LTB4R: variants seen among roughly 807,000 people sequenced by gnomAD.
LTB4R encodes the protein leukotriene B4 receptor 1.
For missense variants in LTB4R, 470 were observed against 485.6 expected (o/e 0.97, Z 0.30); for synonymous variants, 250 against 230.7 (o/e 1.08, Z -0.76).
Position 24,315,659 on chromosome 14 carries a change from C to T in LTB4R, c.8C>T (p.Thr3Ile), listed in dbSNP as rs776708653. The T allele has an allele frequency of 1.1e-5, 17 of 1,613,432 alleles. No homozygotes were observed. In the Admixed American group the frequency reaches 2.8e-4, roughly 27 times the overall value. MN[T>I]TSSAAPPSLG... ...CAGGTCCTCCCGACGGCCATGAACA[C>T]TACATCTTCTGCAGCACCCCCCTCA... Residue 3 changes from threonine to isoleucine, a missense_variant, in exon 2 of 2, where the codon ACT becomes ATT. Transcript: ENST00000345363.
Position 24,316,653 on chromosome 14 carries a change from C to T in LTB4R, c.1002C>T (p.Pro334=). 1 of 1,539,650 alleles carries T rather than the reference C, an allele frequency of 6.5e-7. No individual in the cohort carries two copies. ...GGAGCGGCCCCGCCGCTCTGGAGCC[C>T]GGCCCTTCCGAGAGCCTCACTGCCT... The part of the protein sequence containing the change: ...TARSGPAALE[P]GPSESLTASS... Residue 334 remains proline, a synonymous_variant, in exon 2 of 2, where the codon CCC becomes CCT. Transcript: ENST00000345363.
In LTB4R at chr14:24,316,624, G is replaced by C. The variant is rs1025111534; in HGVS notation, c.973G>C (p.Ala325Pro). The C allele has an allele frequency of 2.2e-5, 33 of 1,507,948 alleles. No homozygotes were observed. Among genetic ancestry groups the C allele is most frequent in the African/African-American group, 2.9e-5 (2 of 68,858 alleles). 93.4% of individuals were successfully genotyped at this position (1,507,948 alleles called of 1,614,324 possible). Residue 325 changes from alanine to proline, a missense_variant, in exon 2 of 2, where the codon GCT becomes CCT. Ala to Pro is a conservative substitution (Grantham distance 27, BLOSUM62 -1). Transcript: ENST00000345363. ...TRRGGSLGQT[A>P]RSGPAALEPG... is the part of the protein sequence containing the mutation. ...CCGCGGGGGCAGCCTGGGCCAGACCGCTAGGAGCGGCCCCGCCGCTCTGGA... is the reference window on the plus strand; with the variant it reads ...CCGCGGGGGCAGCCTGGGCCAGACCCCTAGGAGCGGCCCCGCCGCTCTGGA...
intron 1 of LTB4R, chr14:24,314,180 C>T (rs1426057386): frequency 7.9e-5 from 12 of 152,228 alleles, no homozygotes; most frequent in Non-Finnish European, 1.0e-4. Flanking sequence ...AGGGTAACCA[C>T]ATGGGCAAGC....
rs567553911 is a variant in LTB4R, at chr14:24,316,268, G to T, written c.617G>T (p.Arg206Leu). Residue 206 changes from arginine (R) to leucine (L), a missense_variant, in exon 2 of 2, where the codon CGT becomes CTT. By Grantham distance (102) the Arg-to-Leu change is moderately radical. Coordinates refer to ENST00000345363, the MANE Select transcript of LTB4R (RefSeq NM_001143919.3). ...AVVASYSDIG[R>L]RLQARRFRRS... is the part of the protein sequence containing the mutation. Reference sequence around the variant, plus strand: ...GTGGCCAGCTACTCGGACATAGGGCGTCGGCTACAGGCCCGGCGCTTCCGC... The same window carrying T: ...GTGGCCAGCTACTCGGACATAGGGCTTCGGCTACAGGCCCGGCGCTTCCGC... 3 of 1,611,774 alleles carry T rather than the reference G, an allele frequency of 1.9e-6. No homozygotes were observed. The South Asian group carries it at 3.3e-5, about 18-fold the overall frequency.
chr14:24,315,374 G>A (rs2041758742), intron 1 of LTB4R, among the ~76,000 whole-genome samples: 1 of 152,152 alleles, frequency 6.6e-6, no homozygotes. Context: ...TGGAAATGCT[G>A]CTGCTGCTGT....
chr14:24,315,998 C>T lies in LTB4R; in HGVS notation c.347C>T (p.Ser116Leu). The T allele has an allele frequency of 1.2e-6, 2 of 1,613,966 alleles. No individual in the cohort carries two copies. Among genetic ancestry groups the T allele is most frequent in the Non-Finnish European group, 1.7e-6 (2 of 1,180,026 alleles). ...ATCACGGCCATGAGTCTAGACCGCT[C>T]ACTGGCGGTGGCCCGCCCCTTTGTG... is the stretch of plus-strand genomic sequence containing the variant. The part of the protein sequence containing the change: ...LLITAMSLDR[S>L]LAVARPFVSQ... Residue 116 changes from serine to leucine, a missense_variant, in exon 2 of 2, where the codon TCA becomes TTA. By Grantham distance (145) the Ser-to-Leu change is moderately radical. Coordinates refer to ENST00000345363, the MANE Select transcript of LTB4R (RefSeq NM_001143919.3).
In LTB4R at chr14:24,311,739, T is replaced by C; in HGVS notation, c.-81T>C. ...GAAGGACGGTCCGGAATGGGACCTT[T>C]GACAGCAGACCCTACAACCTGCTGC... is the stretch of plus-strand genomic sequence containing the variant. On this transcript the variant is annotated 5_prime_UTR_variant, in exon 1 of 2. The change abolishes the stop of an existing upstream ORF in the 5' untranslated region. Coordinates refer to ENST00000345363, the MANE Select transcript of LTB4R (RefSeq NM_001143919.3). 1 of 1,573,522 alleles carries C rather than the reference T, an allele frequency of 6.4e-7. No individual in the cohort carries two copies. Among genetic ancestry groups the C allele is most frequent in the Non-Finnish European group, 8.6e-7 (1 of 1,157,630 alleles).
In LTB4R at chr14:24,316,747, A is replaced by C. The variant is rs1269330172; in HGVS notation, c.*37A>C. ...GGAGGCGCACTTTCCTCCTGGCAGA[A>C]TGCTAGCTCTGAGCCAGTTCAGTAC... On this transcript the variant is annotated 3_prime_UTR_variant, in exon 2 of 2. Transcript: ENST00000345363. 6.8e-7 allele frequency: 1 copy of C among 1,464,950 alleles called. No individual in the cohort carries two copies. The highest frequency in any genetic ancestry group is 9.1e-7 in the Non-Finnish European group (1 of 1,102,198). The allele number at this position is 1,464,950 out of a possible 1,614,324, so 90.7% of individuals were successfully genotyped here. A position where few individuals can be genotyped will look rare whatever the true frequency, so the allele number is the denominator to read the frequency against.
At position 24,316,299 on chromosome 14, in the gene LTB4R, C is replaced by T. The variant is rs754794828; in HGVS notation, c.648C>T (p.Ser216=). 23 of 1,603,146 alleles carry T rather than the reference C, an allele frequency of 1.4e-5. No individual in the cohort carries two copies. The East Asian group carries it at 3.6e-4, about 25-fold the overall frequency. The change falls in exon 2 of 2, where the codon AGC becomes AGT. Residue 216 remains serine, a synonymous_variant. Transcript: ENST00000345363. The part of the protein sequence containing the change: ...RRLQARRFRR[S]RRTGRLVVLI... ...TACAGGCCCGGCGCTTCCGCCGCAG[C>T]CGCCGCACCGGCCGCCTGGTGGTGC...
chr14:24,312,384 C>T (rs769648982), intron 1 of LTB4R, among the ~76,000 whole-genome samples: 1 of 152,138 alleles, frequency 6.6e-6, no homozygotes, highest in Non-Finnish European at 1.5e-5. Flanking sequence ...TGTATTTGGT[C>T]CAGTGAGTAT....
chr14:24,311,816 G>C lies in LTB4R; in HGVS notation c.-16+12G>C. ...CCCACCCTCCAGAGGTCAGTGTTCT[G>C]GGACATTTGGGGACCCTTCTTTGAC... On this transcript the variant is annotated intron_variant, in intron 1 of 1. Coordinates refer to ENST00000345363, the MANE Select transcript of LTB4R (RefSeq NM_001143919.3). 3 of 1,269,430 alleles carry C rather than the reference G, an allele frequency of 2.4e-6. No homozygotes were observed. The highest frequency in any genetic ancestry group is 1.5e-5 in the South Asian group (1 of 65,892). 78.6% of individuals were successfully genotyped at this position (1,269,430 alleles called of 1,614,324 possible). A position where few individuals can be genotyped will look rare whatever the true frequency, so the allele number is the denominator to read the frequency against.
chr14:24,311,927 A>T, intron 1 of LTB4R, 123 bp downstream of exon 1: 1 of 613,248 alleles, frequency 1.6e-6, no homozygotes, highest in Non-Finnish European at 2.9e-6. Context: ...GAGGGTGGTG[A>T]TGGTCCCTGT....
In LTB4R at chr14:24,316,805, A is replaced by T; in HGVS notation, c.*95A>T. On this transcript the variant is annotated 3_prime_UTR_variant, in exon 2 of 2. Coordinates refer to ENST00000345363, the MANE Select transcript of LTB4R (RefSeq NM_001143919.3). ...AGGAGCAGGGGCGTGGAGGGCGTGG[A>T]GGGCGTGGGAGCGTGGGAGGCGGGA... 1.0e-6 allele frequency: 1 copy of T among 1,002,052 alleles called. No homozygotes were observed. Among genetic ancestry groups the T allele is most frequent in the South Asian group, 2.3e-5 (1 of 42,986 alleles). The allele number at this position is 1,002,052 out of a possible 1,614,324, so 62.1% of individuals were successfully genotyped here.
In LTB4R at chr14:24,316,677, C is replaced by T. The variant is rs1263426961; in HGVS notation, c.1026C>T (p.Ala342=). 3 of 1,539,728 alleles carry T rather than the reference C, an allele frequency of 1.9e-6. No individual in the cohort carries two copies. The highest frequency in any genetic ancestry group is 1.4e-5 in the African/African-American group (1 of 70,868). ...CCGGCCCTTCCGAGAGCCTCACTGCCTCCAGCCCTCTCAAGTTAAACGAAC... is the reference window on the plus strand; with the variant it reads ...CCGGCCCTTCCGAGAGCCTCACTGCTTCCAGCCCTCTCAAGTTAAACGAAC... ...LEPGPSESLT[A]SSPLKLNELN The change falls in exon 2 of 2, where the codon GCC becomes GCT. Residue 342 remains alanine, a synonymous_variant. Coordinates refer to ENST00000345363, the MANE Select transcript of LTB4R (RefSeq NM_001143919.3).
At position 24,315,873 on chromosome 14, in the gene LTB4R, C is replaced by T. The variant is rs759157269; in HGVS notation, c.222C>T (p.Phe74=). ...DLAVLLTAPF[F]LHFLAQGTWS... is the part of the protein sequence containing the mutation. Reference sequence around the variant, plus strand: ...CCGTATTGCTCACTGCTCCCTTTTTCCTTCACTTCCTGGCCCAAGGCACCT... The same window carrying T: ...CCGTATTGCTCACTGCTCCCTTTTTTCTTCACTTCCTGGCCCAAGGCACCT... Residue 74 remains phenylalanine (F), a synonymous_variant, in exon 2 of 2, where the codon TTC becomes TTT. Transcript: ENST00000345363. The T allele has an allele frequency of 3.1e-6, 5 of 1,611,382 alleles. No individual in the cohort carries two copies. The highest frequency in any genetic ancestry group is 1.1e-5 in the South Asian group (1 of 91,040).
chr14:24,316,410 C>A lies in LTB4R; in HGVS notation c.759C>A (p.Ala253=), dbSNP rs1400405758. 1.9e-6 allele frequency: 3 copies of A among 1,578,956 alleles called. No homozygotes were observed. The highest frequency in any genetic ancestry group is 1.8e-5 in the Admixed American group (1 of 54,696). ...AEAGRALAGQ[A]AGLGLVGKRL... ...CGGGCCGCGCGCTGGCCGGCCAGGC[C>A]GCCGGGTTAGGGCTCGTGGGGAAGC... Residue 253 remains alanine (A), a synonymous_variant, in exon 2 of 2, where the codon GCC becomes GCA. Coordinates refer to ENST00000345363, the MANE Select transcript of LTB4R (RefSeq NM_001143919.3).
Position 24,316,791 on chromosome 14 carries a change from CGTGG to C in LTB4R, c.*82_*85del, listed in dbSNP as rs1449927940. On this transcript the variant is annotated 3_prime_UTR_variant, in exon 2 of 2. Transcript: ENST00000345363. Reference sequence around the variant, plus strand: ...TCAGTACCTGGAGGAGGAGCAGGGGCGTGGAGGGCGTGGAGGGCGTGGGAGCGTG... The same window carrying C: ...TCAGTACCTGGAGGAGGAGCAGGGGCAGGGCGTGGAGGGCGTGGGAGCGTG... The C allele has an allele frequency of 1.3e-5, 12 of 956,702 alleles. No individual in the cohort carries two copies. Among genetic ancestry groups the C allele is most frequent in the African/African-American group, 1.9e-5 (1 of 52,100 alleles). 59.3% of individuals were successfully genotyped at this position (956,702 alleles called of 1,614,324 possible). A position where few individuals can be genotyped will look rare whatever the true frequency, so the allele number is the denominator to read the frequency against.
rs1350385286 is a variant in LTB4R at position 24,316,395 on chromosome 14, G to T, written c.744G>T (p.Ala248=). The change falls in exon 2 of 2, where the codon GCG becomes GCT. Residue 248 remains alanine, a synonymous_variant. Transcript: ENST00000345363. ...TGAACCTGGCTGAGGCGGGCCGCGC[G>T]CTGGCCGGCCAGGCCGCCGGGTTAG... ...HVVNLAEAGR[A]LAGQAAGLGL... 1.9e-6 allele frequency: 3 copies of T among 1,584,500 alleles called. No individual in the cohort carries two copies. The highest frequency in any genetic ancestry group is 1.1e-5 in the South Asian group (1 of 88,930).
rs1187867281 is a variant in LTB4R, at chr14:24,317,030, C to T, written c.*320C>T. 2.1e-5 allele frequency: 6 copies of T among 286,194 alleles called. No homozygotes were observed. The highest frequency in any genetic ancestry group is 1.3e-4 in the African/African-American group (6 of 44,966). The allele number at this position is 286,194 out of a possible 1,614,324, so 17.7% of individuals were successfully genotyped here. Reference sequence around the variant, plus strand: ...GGCCCCTCTCGGTAGTTGAGAGTCACGTCCTTTAGTTCCCCATGATTTACA... The same window carrying T: ...GGCCCCTCTCGGTAGTTGAGAGTCATGTCCTTTAGTTCCCCATGATTTACA... On this transcript the variant is annotated 3_prime_UTR_variant, in exon 2 of 2. Transcript: ENST00000345363.
Sources: allele counts gnomAD v4.1 joint callset (sites outside exome capture counted in the v4.1 genomes callset), GRCh38; gene constraint gnomAD v4.1.1; transcripts MANE v1.5; gene names NCBI Gene and HGNC (gene_info 2026-07-23, HGNC 2026-07-21).